Variants in N4BP2 observed in about 807,000 individuals in gnomAD.
N4BP2 encodes the protein NEDD4-binding protein 2.
In N4BP2, 91 loss-of-function variants were observed where a neutral mutation model predicts 152.8. The ratio of observed to expected loss-of-function variants is 0.60; its 90% CI spans 0.50 to 0.71. The LOEUF (loss-of-function observed/expected upper bound fraction) is 0.71. Among genes scored for constraint, N4BP2 ranks in the 30% least tolerant of loss-of-function variants. N4BP2 has a pLI of 0.00. For missense variants in N4BP2, 1,923 were observed against 2,059.1 expected (o/e 0.93, Z 1.28); for synonymous variants, 646 against 705.3 (o/e 0.92, Z 1.33).
intron 1 of N4BP2, among the ~76,000 whole-genome samples, chr4:40,060,602 A>ATT (rs11302996): frequency 1.5e-5 from 2 of 134,878 alleles, no homozygotes; most frequent in Non-Finnish European, 1.6e-5. Context: ...AAGTAGCTAG[A>ATT]TTTTTTTTTT....
chr4:40,099,069 TTTC>T (rs1227547022), intron 3 of N4BP2, among the ~76,000 whole-genome samples: 1 of 152,214 alleles, frequency 6.6e-6, no homozygotes. Flanking sequence ...TTGGCTTTTT[TTTC>T]TTAGTTCCAA....
intron 3 of N4BP2, 108 bp downstream of exon 3, chr4:40,097,677 A>C (rs793999): frequency 0.87 from 598,752 of 684,422 alleles, 262,455 homozygotes; most frequent in East Asian, 0.96. Context: ...TTTTATTCAT[A>C]ATTTATTAAT....
At chr4:40,118,770 T>A (rs987580883) in intron 8 of N4BP2, among the ~76,000 whole-genome samples, 1 of 152,242 alleles carries the variant, frequency 6.6e-6, no homozygotes, top group Non-Finnish European at 1.5e-5. Context: ...AGTACACTTT[T>A]ACCAAGTAAT....
intron 5 of N4BP2, among the ~76,000 whole-genome samples, chr4:40,108,998 G>A (rs1472588564): frequency 6.6e-6 from 1 of 151,788 alleles, no homozygotes; most frequent in Non-Finnish European, 1.5e-5. Flanking sequence ...TGTATTTTTA[G>A]TAGAGACAGG....
At chr4:40,105,101 A>C (rs546056700) in intron 4 of N4BP2, among the ~76,000 whole-genome samples, 1 of 152,030 alleles carries the variant, frequency 6.6e-6, no homozygotes, top group East Asian at 1.9e-4. Context: ...CACGCCCAAC[A>C]ATCCTGCGTT....
At chr4:40,059,979 A>G (rs1733527856) in intron 1 of N4BP2, among the ~76,000 whole-genome samples, 1 of 150,612 alleles carries the variant, frequency 6.6e-6, no homozygotes, top group African/African-American at 2.4e-5. Flanking sequence ...GATCTTTGTG[A>G]CCCAAAACCT....
intron 13 of N4BP2, among the ~76,000 whole-genome samples, chr4:40,136,549 G>A (rs1560632265): frequency 6.6e-6 from 1 of 152,122 alleles, no homozygotes; most frequent in Non-Finnish European, 1.5e-5. Flanking sequence ...ACCACACCCA[G>A]CTAATTTTTG....
chr4:40,107,572 C>T (rs1275757105), intron 5 of N4BP2, among the ~76,000 whole-genome samples: 4 of 151,836 alleles, frequency 2.6e-5, no homozygotes, highest in East Asian at 1.9e-4. Context: ...TTTATAGAGA[C>T]GGGGTTTCCC....
chr4:40,092,779 G>T (rs904700324), intron 2 of N4BP2, among the ~76,000 whole-genome samples: 4 of 151,710 alleles, frequency 2.6e-5, no homozygotes, highest in Non-Finnish European at 5.9e-5. Context: ...AAGTAGCTGG[G>T]ACTACTGGCG....
At chr4:40,141,976 C>T (rs1363283293) in intron 14 of N4BP2, among the ~76,000 whole-genome samples, 3 of 152,016 alleles carry the variant, frequency 2.0e-5, no homozygotes, top group Non-Finnish European at 4.4e-5. Context: ...CAATGGCAGG[C>T]ACTCGGCAAG....
At chr4:40,172,599 G>T in the N4BP2 span, among the ~76,000 whole-genome samples, 4 of 152,194 alleles carry the variant, frequency 2.6e-5, no homozygotes, top group African/African-American at 9.6e-5. Flanking sequence ...GCCTGGAACA[G>T]CTGCCTCCCT....
At chr4:40,088,502 GTT>G (rs199929808) in intron 2 of N4BP2, among the ~76,000 whole-genome samples, 6 of 139,474 alleles carry the variant, frequency 4.3e-5, no homozygotes, top group Admixed American at 1.4e-4. Flanking sequence ...TCTCATTATA[GTT>G]TTTTTTTTTT....
intron 2 of N4BP2, among the ~76,000 whole-genome samples, chr4:40,079,155 C>G (rs1484578409): frequency 6.6e-6 from 1 of 151,978 alleles, no homozygotes; most frequent in African/African-American, 2.4e-5. Flanking sequence ...CTCCTGACCT[C>G]AAGTGATCCT....
intron 16 of N4BP2, among the ~76,000 whole-genome samples, chr4:40,146,184 T>TAAATAAATAAATA (rs1720503113): frequency 1.3e-5 from 2 of 151,526 alleles, no homozygotes; most frequent in African/African-American, 4.8e-5. Flanking sequence ...AATAAATAAA[T>TAAATAAATAAATA]AAATAAAATA....
At position 40,092,009 on chromosome 4, in the gene N4BP2, TATATA is replaced by T. The variant is rs1372261530; in HGVS notation, c.-114-5217_-114-5213del. Among the ~76,000 whole-genome samples the T allele has an allele frequency of 5.7e-3, 84 of 14,808 alleles. 1 individual carries two copies. The highest frequency in any genetic ancestry group is 0.024 in the African/African-American group (78 of 3,256). The allele number at this position is 14,808 out of a possible 152,430, so 9.7% of individuals were successfully genotyped here. A position where few individuals can be genotyped will look rare whatever the true frequency, so the allele number is the denominator to read the frequency against. On this transcript the variant is annotated intron_variant, in intron 2 of 17. Coordinates refer to ENST00000261435, the MANE Select transcript of N4BP2 (RefSeq NM_018177.6). ...AAAAAAAAAAAAAAAAAAAAAAAATTATATATATATATATATATATATATATATAT... is the reference window on the plus strand; with the variant it reads ...AAAAAAAAAAAAAAAAAAAAAAAATTTATATATATATATATATATATATAT...
At chr4:40,168,225 G>A in the N4BP2 span, among the ~76,000 whole-genome samples, 1 of 151,946 alleles carries the variant, frequency 6.6e-6, no homozygotes, top group Non-Finnish European at 1.5e-5. Flanking sequence ...ATAAAATGAA[G>A]AATATCAGTG....
intron 17 of N4BP2, among the ~76,000 whole-genome samples, chr4:40,153,743 A>G (rs577863990): frequency 6.6e-6 from 1 of 152,230 alleles, no homozygotes; most frequent in African/African-American, 2.4e-5. Flanking sequence ...AGACCAGAAC[A>G]TTATGTTGAG....
At position 40,094,148 on chromosome 4, in the gene N4BP2, T is replaced by G. The variant is rs138945229; in HGVS notation, c.-114-3079T>G. ...ACCCATGGATTATTTAGATGTATATTGCTTGGAAATTTTTATGTTACTGAT... is the reference window on the plus strand; with the variant it reads ...ACCCATGGATTATTTAGATGTATATGGCTTGGAAATTTTTATGTTACTGAT... On this transcript the variant is annotated intron_variant, in intron 2 of 17. Coordinates refer to ENST00000261435, the MANE Select transcript of N4BP2 (RefSeq NM_018177.6). 3.0e-4 allele frequency among the ~76,000 whole-genome samples: 46 copies of G among 152,338 alleles called. No individual in the cohort carries two copies. The East Asian group carries it at 3.5e-3, about 11-fold the overall frequency.
At chr4:40,126,462 T>A in intron 12 of N4BP2, 132 bp downstream of exon 12, 1 of 503,632 alleles carries the variant, frequency 2.0e-6, no homozygotes, top group Non-Finnish European at 3.4e-6. Flanking sequence ...ATGTTAAAAT[T>A]GAAAAATATT....
Sources: allele counts gnomAD v4.1 joint callset (sites outside exome capture counted in the v4.1 genomes callset), GRCh38; gene constraint gnomAD v4.1.1; transcripts MANE v1.5; gene names NCBI Gene and HGNC (gene_info 2026-07-23, HGNC 2026-07-21).